The following ZNF257 variants were observed in gnomAD, a reference collection of about 807,000 sequenced individuals.
ZNF257 encodes the protein zinc finger protein 257, also known as bone marrow zinc finger 4.
In ZNF257, 12 loss-of-function variants were observed where a neutral mutation model predicts 11.9. That is an observed-to-expected ratio of 1.01 (90% CI 0.65 to 1.63). ZNF257 has a LOEUF of 1.63. ZNF257 is among the 40% of genes most tolerant of loss of function. ZNF257 has a pLI of 0.00. For synonymous variants in ZNF257, 183 were observed against 222.7 expected (o/e 0.82, Z 1.59); for missense variants, 580 against 665.5 (o/e 0.87, Z 1.41).
Position 22,088,136 on chromosome 19 carries a change from G to T in ZNF257, c.386G>T (p.Gly129Val). The T allele has an allele frequency of 1.2e-6, 2 of 1,606,870 alleles. No individual in the cohort carries two copies. The highest frequency in any genetic ancestry group is 1.7e-6 in the Non-Finnish European group (2 of 1,175,436). Reference sequence around the variant, plus strand: ...GATGAGTGTAAGGTGTGCAAAGGAGGTTATAATGGACTTAACCAATGTCTG... The same window carrying T: ...GATGAGTGTAAGGTGTGCAAAGGAGTTTATAATGGACTTAACCAATGTCTG... ...SVDECKVCKG[G>V]YNGLNQCLIT... The change falls in exon 4 of 4, where the codon GGT becomes GTT. Residue 129 changes from glycine (G) to valine (V), a missense_variant. Physicochemically the swap from Gly to Val is moderately radical, Grantham distance 109. Transcript: ENST00000594947.
chr19:22,070,642 G>C (rs2022081232), intron 1 of ZNF257, among the ~76,000 whole-genome samples: 1 of 152,102 alleles, frequency 6.6e-6, no homozygotes, highest in Non-Finnish European at 1.5e-5. Context: ...CTTTAGGATG[G>C]AGAGTGGTTG....
At chr19:22,066,844 T>G (rs1375401592) in intron 1 of ZNF257, among the ~76,000 whole-genome samples, 6 of 152,182 alleles carry the variant, frequency 3.9e-5, no homozygotes, top group Non-Finnish European at 7.3e-5. Context: ...GATGAACATC[T>G]TTCTGTCTTT....
intron 1 of ZNF257, 77 bp from the exon 2 acceptor site, chr19:22,072,732 C>T (rs1207635331): frequency 5.2e-6 from 8 of 1,525,264 alleles, no homozygotes; most frequent in African/African-American, 1.4e-5. Context: ...TCTTTAATTA[C>T]ACCTTGAGTG....
At chr19:22,070,056 C>T (rs148368778) in intron 1 of ZNF257, among the ~76,000 whole-genome samples, 4 of 151,676 alleles carry the variant, frequency 2.6e-5, no homozygotes, top group African/African-American at 9.7e-5. Flanking sequence ...GTTGGTGAAG[C>T]CTGCTGTCTT....
At chr19:22,062,059 A>C (rs1184881001) in intron 1 of ZNF257, among the ~76,000 whole-genome samples, 1 of 120,484 alleles carries the variant, frequency 8.3e-6, no homozygotes, top group Non-Finnish European at 1.7e-5. Flanking sequence ...TATTTTGCTG[A>C]GGATTTTTTT....
chr19:22,074,803 G>C (rs964542401), intron 3 of ZNF257, among the ~76,000 whole-genome samples: 1 of 151,094 alleles, frequency 6.6e-6, no homozygotes, highest in Admixed American at 6.6e-5. Context: ...GTTTTAATGC[G>C]CTGCTTATGG....
chr19:22,061,013 C>CT (rs1466538695), intron 1 of ZNF257, among the ~76,000 whole-genome samples: 2 of 151,734 alleles, frequency 1.3e-5, no homozygotes, highest in Non-Finnish European at 2.9e-5. Flanking sequence ...TACCATGCTG[C>CT]TTTTTTTACT....
chr19:22,067,208 C>T (rs1701943114), intron 1 of ZNF257, among the ~76,000 whole-genome samples: 1 of 152,168 alleles, frequency 6.6e-6, no homozygotes, highest in East Asian at 1.9e-4. Flanking sequence ...TTTCTACAAA[C>T]TTCACAGGGC....
chr19:22,070,285 A>C (rs1401040571), intron 1 of ZNF257, among the ~76,000 whole-genome samples: 1 of 151,894 alleles, frequency 6.6e-6, no homozygotes. Flanking sequence ...AACTACATTA[A>C]ATTTTTCCTT....
intron 3 of ZNF257, among the ~76,000 whole-genome samples, chr19:22,087,258 A>T (rs746580681): frequency 1.4e-4 from 21 of 151,878 alleles, no homozygotes; most frequent in Non-Finnish European, 2.6e-4. Context: ...ACCTGTCACA[A>T]TCTTTACAAT....
At chr19:22,074,428 C>T (rs551014915) in intron 3 of ZNF257, 1 of 151,930 alleles carries the variant, frequency 6.6e-6, no homozygotes, top group Non-Finnish European at 1.5e-5. Context: ...CTCAGCTCAC[C>T]GTAAACTCCT....
intron 3 of ZNF257, among the ~76,000 whole-genome samples, chr19:22,079,981 G>A (rs991607397): frequency 2.0e-5 from 3 of 151,988 alleles, no homozygotes; most frequent in South Asian, 2.1e-4. Context: ...ATACTTAAAT[G>A]TATTTATTGT....
At chr19:22,079,285 T>G (rs565322975) in intron 3 of ZNF257, among the ~76,000 whole-genome samples, 5 of 152,166 alleles carry the variant, frequency 3.3e-5, no homozygotes, top group Non-Finnish European at 7.3e-5. Context: ...CTAGTATGTT[T>G]TGAAATTAGA....
At position 22,061,611 on chromosome 19, in the gene ZNF257, A is replaced by G. The variant is rs565308285; in HGVS notation, c.3+8976A>G. ...AGATCGTTTGACAACCTCTCTTCCC[A>G]TTTGGATGCCTTTTTTTTTTTTCTC... On this transcript the variant is annotated intron_variant, in intron 1 of 3. Coordinates refer to ENST00000594947, the MANE Select transcript of ZNF257 (RefSeq NM_033468.4). Among the ~76,000 whole-genome samples the G allele has an allele frequency of 5.6e-5, 8 of 143,248 alleles. No individual in the cohort carries two copies. In the South Asian group the frequency reaches 8.6e-4, roughly 15 times the overall value. 94.0% of individuals were successfully genotyped at this position (143,248 alleles called of 152,430 possible). A position where few individuals can be genotyped will look rare whatever the true frequency, so the allele number is the denominator to read the frequency against.
chr19:22,081,198 TAC>T (rs2022352165), intron 3 of ZNF257, among the ~76,000 whole-genome samples: 1 of 151,962 alleles, frequency 6.6e-6, no homozygotes, highest in Non-Finnish European at 1.5e-5. Context: ...TCTATATGTA[TAC>T]ATATATATGT....
chr19:22,067,531 G>A (rs2021985367), intron 1 of ZNF257, among the ~76,000 whole-genome samples: 1 of 152,034 alleles, frequency 6.6e-6, no homozygotes, highest in South Asian at 2.1e-4. Flanking sequence ...GTCAAACACA[G>A]AGAGACATTA....
Position 22,073,468 on chromosome 19 carries a change from G to A in ZNF257, c.131-1G>A, listed in dbSNP as rs533042399. On this transcript the variant is annotated splice_acceptor_variant, in intron 2 of 3. Coordinates refer to ENST00000594947, the MANE Select transcript of ZNF257 (RefSeq NM_033468.4). LOFTEE classifies it high-confidence loss of function. ...GCGTGTTACTTATTTTTAAAAAACA[G>A]GTATTGCTGTCTCTAAGCCAGACCT... 36 of 1,604,240 alleles carry A rather than the reference G, an allele frequency of 2.2e-5. No homozygotes were observed. In the South Asian group the frequency reaches 3.1e-4, roughly 14 times the overall value.
chr19:22,071,036 C>T (rs1033948181), intron 1 of ZNF257, among the ~76,000 whole-genome samples: 2 of 151,988 alleles, frequency 1.3e-5, no homozygotes, highest in South Asian at 2.1e-4. Context: ...TTAAGTACCT[C>T]GTATAATTCC....
chr19:22,082,498 A>G (rs908314359), intron 3 of ZNF257, among the ~76,000 whole-genome samples: 2 of 152,162 alleles, frequency 1.3e-5, no homozygotes, highest in African/African-American at 4.8e-5. Flanking sequence ...TTTATAGGAC[A>G]GTGCTAGTCG....
Sources: gnomAD v4.1 joint callset for allele counts (sites outside exome capture counted in the v4.1 genomes callset) on GRCh38, gnomAD v4.1.1 for gene constraint, MANE v1.5 for transcripts, NCBI Gene and HGNC (gene_info 2026-07-23, HGNC 2026-07-21) for gene names.